The following RP1L1 variants were observed in gnomAD, a reference collection of about 807,000 sequenced individuals.
The protein encoded by RP1L1 is RP1 like 1.
A neutral mutation model predicts 15.7 loss-of-function variants in RP1L1; 27 were observed. That is an observed-to-expected ratio of 1.72 (90% CI 1.27 to 2.38). The LOEUF (loss-of-function observed/expected upper bound fraction) is 2.38. Ranked by LOEUF, RP1L1 falls within the 30% of genes most tolerant of loss-of-function variation. The pLI, the probability that RP1L1 is intolerant of heterozygous loss-of-function variation, is 0.00. For missense variants in RP1L1, 4,798 were observed against 3,075.9 expected (o/e 1.56, Z -13.24); for synonymous variants, 1,813 against 1,276.7 (o/e 1.42, Z -8.96).
Position 10,610,825 on chromosome 8 carries a change from G to A in RP1L1, c.3273C>T (p.Gly1091=). The change falls in exon 4 of 4, where the codon GGC becomes GGT. Residue 1091 remains glycine, a synonymous_variant. Transcript: ENST00000382483. ...ASTQIMRALM[G]SKQGRPSSVP... ...CGCTGCTGGGCCGGCCCTGCTTGGA[G>A]CCCATCAGCGCCCTCATGATCTGCG... 3 of 1,607,500 alleles carry A rather than the reference G, an allele frequency of 1.9e-6. No homozygotes were observed. The highest frequency in any genetic ancestry group is 2.6e-6 in the Non-Finnish European group (3 of 1,176,018).
chr8:10,617,095 C>G (rs1351390316), intron 2 of RP1L1, among the ~76,000 whole-genome samples: 1 of 152,124 alleles, frequency 6.6e-6, no homozygotes, highest in African/African-American at 2.4e-5. Flanking sequence ...CTAGGCACCA[C>G]TCTTCCTGCA....
Position 10,622,747 on chromosome 8 carries a change from C to CG in RP1L1, c.454dup (p.Arg152ProfsTer7), listed in dbSNP as rs778634096. The stretch of plus-strand genomic sequence containing the variant: ...CATGTTCTTAATCAGCAGTATCCTC[C>CG]GGGGGGTTTTAAGACTCTTCCGGGA... On this transcript the variant is annotated frameshift_variant, in exon 2 of 4. Coordinates refer to ENST00000382483, the MANE Select transcript of RP1L1 (RefSeq NM_178857.6). LOFTEE classifies it high-confidence loss of function. The CG allele has an allele frequency of 1.9e-5, 30 of 1,613,918 alleles. No individual in the cohort carries two copies. The highest frequency in any genetic ancestry group is 2.2e-5 in the Non-Finnish European group (26 of 1,180,016).
chr8:10,637,942 C>T (rs541686308), intron 1 of RP1L1, among the ~76,000 whole-genome samples: 2 of 152,344 alleles, frequency 1.3e-5, no homozygotes, highest in African/African-American at 4.8e-5. Flanking sequence ...CAGCCCCACC[C>T]TCCTGCCTGC....
chr8:10,615,463 AG>A, intron 3 of RP1L1, among the ~76,000 whole-genome samples: 1 of 152,288 alleles, frequency 6.6e-6, no homozygotes, highest in South Asian at 2.1e-4. Context: ...CTGTTGCCTG[AG>A]ACCATCGTGA....
intron 2 of RP1L1, among the ~76,000 whole-genome samples, chr8:10,619,510 TC>T (rs1798024689): frequency 6.6e-6 from 1 of 152,130 alleles, no homozygotes; most frequent in Non-Finnish European, 1.5e-5. Context: ...TTCCTAGACA[TC>T]CCTGACAGGT....
rs768979550 is a variant in RP1L1 at position 10,611,479 on chromosome 8, G to A, written c.2619C>T (p.Thr873=). 3.9e-5 allele frequency: 61 copies of A among 1,570,292 alleles called. No homozygotes were observed. The highest frequency in any genetic ancestry group is 9.4e-5 in the African/African-American group (7 of 74,296). ...GGGCAGTGCTTTGGTGGCTGCTGCC[G>A]GTGCTCCCACAGCTGGAAGAGCGCC... The part of the protein sequence containing the change: ...PQRRSSSCGS[T]GSSHQSTARG... The change falls in exon 4 of 4, where the codon ACC becomes ACT. Residue 873 remains threonine, a synonymous_variant. Transcript: ENST00000382483.
In RP1L1 at chr8:10,619,529, T is replaced by C. The variant is rs1416256321; in HGVS notation, c.610-2942A>G. Reference sequence around the variant, plus strand: ...TAGACATCCCTGACAGGTTGGTTTGTGACATTCTGGGAATCTTTTCCAGGA... The same window carrying C: ...TAGACATCCCTGACAGGTTGGTTTGCGACATTCTGGGAATCTTTTCCAGGA... On this transcript the variant is annotated intron_variant, in intron 2 of 3. Coordinates refer to ENST00000382483, the MANE Select transcript of RP1L1 (RefSeq NM_178857.6). Among the ~76,000 whole-genome samples the C allele has an allele frequency of 2.6e-5, 4 of 152,284 alleles. No individual in the cohort carries two copies. The East Asian group carries it at 5.8e-4, about 22-fold the overall frequency.
At chr8:10,646,593 T>C (rs1212511554) in intron 1 of RP1L1, among the ~76,000 whole-genome samples, 1 of 152,080 alleles carries the variant, frequency 6.6e-6, no homozygotes, top group Admixed American at 6.5e-5. Context: ...CTTGGCCCTC[T>C]GGACTCCCTG....
At chr8:10,616,164 C>A (rs979764408) in intron 3 of RP1L1, among the ~76,000 whole-genome samples, 7 of 152,230 alleles carry the variant, frequency 4.6e-5, no homozygotes, top group African/African-American at 9.6e-5. Flanking sequence ...TCGCTTTGGG[C>A]CCCCAAACGG....
chr8:10,649,643 C>T (rs1798530059), intron 1 of RP1L1, among the ~76,000 whole-genome samples: 1 of 152,162 alleles, frequency 6.6e-6, no homozygotes, highest in African/African-American at 2.4e-5. Context: ...CTTTGGGAGG[C>T]CAAGGCAGCT....
At position 10,613,249 on chromosome 8, in the gene RP1L1, G is replaced by C. The variant is rs1357182542; in HGVS notation, c.849C>G (p.Pro283=). ...RLPERPGPSN[P]PVGPAPGRHP... ...GCCTGCCAGGAGCAGGGCCCACCGGGGGGTTGCTAGGACCAGGCCTTTCTG... is the reference window on the plus strand; with the variant it reads ...GCCTGCCAGGAGCAGGGCCCACCGGCGGGTTGCTAGGACCAGGCCTTTCTG... The change falls in exon 4 of 4, where the codon CCC becomes CCG. Residue 283 remains proline (P), a synonymous_variant. Transcript: ENST00000382483. 1 of 1,611,610 alleles carries C rather than the reference G, an allele frequency of 6.2e-7. No individual in the cohort carries two copies. The highest frequency in any genetic ancestry group is 1.3e-5 in the African/African-American group (1 of 75,082).
In RP1L1 at chr8:10,611,787, A is replaced by C; in HGVS notation, c.2311T>G (p.Cys771Gly). The C allele has an allele frequency of 6.2e-7, 1 of 1,613,628 alleles. No individual in the cohort carries two copies. Among genetic ancestry groups the C allele is most frequent in the Non-Finnish European group, 8.5e-7 (1 of 1,180,006 alleles). Reference sequence around the variant, plus strand: ...TGGGGAGGTATGGGGGCCGGCGAGCATGTCCTGGACCCCGCGTCCCCTGCC... The same window carrying C: ...TGGGGAGGTATGGGGGCCGGCGAGCCTGTCCTGGACCCCGCGTCCCCTGCC... Reference protein sequence around the residue: ...GWAGDAGSRTCSPAPIPPHTS... With the variant: ...GWAGDAGSRTGSPAPIPPHTS... Residue 771 changes from cysteine to glycine, a missense_variant, in exon 4 of 4, where the codon TGC becomes GGC. By Grantham distance (159) the Cys-to-Gly change is radical. Transcript: ENST00000382483.
intron 1 of RP1L1, among the ~76,000 whole-genome samples, chr8:10,629,766 C>T (rs1325517386): frequency 2.0e-5 from 3 of 152,112 alleles, no homozygotes; most frequent in South Asian, 2.1e-4. Flanking sequence ...TGTCTTTCTA[C>T]CCTGCTGTCC....
chr8:10,631,186 C>T (rs1798235522), intron 1 of RP1L1, among the ~76,000 whole-genome samples: 1 of 146,720 alleles, frequency 6.8e-6, no homozygotes, highest in African/African-American at 2.5e-5. Context: ...GTTGTCATGG[C>T]AACAGCACCT....
At chr8:10,630,562 G>C (rs1315680952) in intron 1 of RP1L1, among the ~76,000 whole-genome samples, 3 of 152,194 alleles carry the variant, frequency 2.0e-5, no homozygotes, top group Non-Finnish European at 4.4e-5. Flanking sequence ...TTCACTTTCT[G>C]TTTCCCAGCC....
At chr8:10,643,180 A>T (rs980016754) in intron 1 of RP1L1, among the ~76,000 whole-genome samples, 9 of 152,186 alleles carry the variant, frequency 5.9e-5, no homozygotes, top group Non-Finnish European at 1.5e-5. Flanking sequence ...TCTACAAAAA[A>T]AACACAAAAG....
At chr8:10,619,668 T>C (rs1798027518) in intron 2 of RP1L1, among the ~76,000 whole-genome samples, 1 of 152,106 alleles carries the variant, frequency 6.6e-6, no homozygotes, top group Admixed American at 6.5e-5. Flanking sequence ...GGCTCACACC[T>C]GTAATCCCAG....
At chr8:10,644,654 C>T (rs1366297561) in intron 1 of RP1L1, among the ~76,000 whole-genome samples, 1 of 152,216 alleles carries the variant, frequency 6.6e-6, no homozygotes, top group Non-Finnish European at 1.5e-5. Context: ...AAAAACCCTG[C>T]CCCTCTCACA....
intron 1 of RP1L1, among the ~76,000 whole-genome samples, chr8:10,625,180 A>C (rs995013156): frequency 3.3e-5 from 5 of 152,184 alleles, no homozygotes; most frequent in Admixed American, 6.5e-5. Context: ...AATCAGGAGC[A>C]GGGGAAGACC....
Sources: allele counts gnomAD v4.1 joint callset (sites outside exome capture counted in the v4.1 genomes callset), GRCh38; gene constraint gnomAD v4.1.1; transcripts MANE v1.5; gene names NCBI Gene and HGNC (gene_info 2026-07-23, HGNC 2026-07-21).